CHST15: variants seen among roughly 807,000 people sequenced by gnomAD.
CHST15 encodes the protein B cell RAG associated protein (GALNAC4S-6ST).
CHST15 carries 30 observed loss-of-function variants against 53.6 expected under a neutral mutation model. That is an observed-to-expected ratio of 0.56 (90% confidence interval 0.42 to 0.76). The LOEUF (loss-of-function observed/expected upper bound fraction) is 0.76. Among genes scored for constraint, CHST15 ranks in the 30% least tolerant of loss-of-function variants. The pLI, the probability that CHST15 is intolerant of heterozygous loss-of-function variation, is 0.00. For missense variants in CHST15, 627 were observed against 740.5 expected, an observed-to-expected ratio of 0.85 and a Z score of 1.78; for synonymous variants, 296 against 289.8, an observed-to-expected ratio of 1.02 and a Z score of -0.22.
At chr10:124,080,681 A>G (rs570627911) in intron 1 of CHST15, among the ~76,000 whole-genome samples, 34 of 152,314 alleles carry the variant, frequency 2.2e-4, no homozygotes, top group East Asian at 5.8e-4. Context: ...AGGCTCCCCA[A>G]TGTTCTTCTT....
At chr10:124,086,655 TTCC>T (rs142757457) in intron 1 of CHST15, among the ~76,000 whole-genome samples, 50,963 of 149,062 alleles carry the variant, frequency 0.34, 8,935 homozygotes, top group East Asian at 0.56. Flanking sequence ...TCCACCTGCC[TTCC>T]TCCTCCTCCT....
chr10:124,037,157 G>C (rs966160495), intron 5 of CHST15, among the ~76,000 whole-genome samples: 1 of 152,180 alleles, frequency 6.6e-6, no homozygotes, highest in African/African-American at 2.4e-5. Context: ...CCCTGATCCA[G>C]TATGACCTCA....
intron 1 of CHST15, among the ~76,000 whole-genome samples, chr10:124,082,115 T>A (rs1590367716): frequency 6.6e-6 from 1 of 151,930 alleles, no homozygotes. Context: ...GACAGATGGG[T>A]GAAAGGAAAA....
At chr10:124,055,306 G>A (rs1948339173) in intron 1 of CHST15, among the ~76,000 whole-genome samples, 1 of 152,118 alleles carries the variant, frequency 6.6e-6, no homozygotes, top group South Asian at 2.1e-4. Context: ...TCTGCCTGGT[G>A]TCAAGTTGGC....
chr10:124,075,454 G>C (rs1468541483), intron 1 of CHST15, among the ~76,000 whole-genome samples: 1 of 152,158 alleles, frequency 6.6e-6, no homozygotes, highest in African/African-American at 2.4e-5. Flanking sequence ...AGAGCACAGC[G>C]TCCCGGCTCC....
chr10:124,033,057 T>C (rs1458210650), intron 5 of CHST15, among the ~76,000 whole-genome samples: 2 of 152,140 alleles, frequency 1.3e-5, no homozygotes, highest in Non-Finnish European at 2.9e-5. Flanking sequence ...CTTCCAGAAG[T>C]GCAAGGTCAC....
chr10:124,086,346 C>G (rs924292980), intron 1 of CHST15, among the ~76,000 whole-genome samples: 3 of 152,234 alleles, frequency 2.0e-5, no homozygotes, highest in Non-Finnish European at 2.9e-5. Context: ...TTCTCCGCCA[C>G]CCCAGATGTT....
chr10:124,012,409 A>G lies in CHST15; in HGVS notation c.1419T>C (p.Phe473=). 1 of 1,614,176 alleles carries G rather than the reference A, an allele frequency of 6.2e-7. No homozygotes were observed. The highest frequency in any genetic ancestry group is 8.5e-7 in the Non-Finnish European group (1 of 1,180,032). The change falls in exon 7 of 8, where the codon TTT becomes TTC. Residue 473 remains phenylalanine, a synonymous_variant. Coordinates refer to ENST00000435907, the MANE Select transcript of CHST15 (RefSeq NM_001270764.2). ...DWLSVFDKQQ[F]LILRLEDHAS... is the part of the protein sequence containing the mutation. ...CATGATCTTCCAGGCGAAGAATGAG[A>G]AACTGTTGCTTGTCAAAAACGCTGA...
At chr10:124,079,545 C>A (rs562823785) in intron 1 of CHST15, among the ~76,000 whole-genome samples, 1 of 152,254 alleles carries the variant, frequency 6.6e-6, no homozygotes, top group East Asian at 1.9e-4. Context: ...ATGGAGACCA[C>A]GGTTACCCAG....
rs908583439 is a variant in CHST15, at chr10:124,008,903, C to T, written c.*1246G>A. ...ACGACAAGATCTCTAGCCCATCCATCGGTAAACCAAGCTGCCAAGTGGCCT... is the reference window on the plus strand; with the variant it reads ...ACGACAAGATCTCTAGCCCATCCATTGGTAAACCAAGCTGCCAAGTGGCCT... On this transcript the variant is annotated 3_prime_UTR_variant, in exon 8 of 8. Transcript: ENST00000435907. The T allele has an allele frequency of 4.8e-5, 62 of 1,287,474 alleles. No individual in the cohort carries two copies. Among genetic ancestry groups the T allele is most frequent in the African/African-American group, 3.0e-5 (2 of 65,844 alleles). 79.8% of individuals were successfully genotyped at this position (1,287,474 alleles called of 1,614,324 possible). A position where few individuals can be genotyped will look rare whatever the true frequency, so the allele number is the denominator to read the frequency against.
intron 1 of CHST15, among the ~76,000 whole-genome samples, chr10:124,075,424 C>A (rs541293453): frequency 2.0e-5 from 3 of 152,168 alleles, no homozygotes; most frequent in Non-Finnish European, 2.9e-5. Context: ...TCAGGCCCAT[C>A]GACTTGTGAC....
chr10:124,008,713 C>T lies in CHST15; in HGVS notation c.*1436G>A. 8.7e-7 allele frequency: 1 copy of T among 1,149,594 alleles called. No individual in the cohort carries two copies. Among genetic ancestry groups the T allele is most frequent in the Non-Finnish European group, 1.1e-6 (1 of 916,848 alleles). The allele number at this position is 1,149,594 out of a possible 1,614,324, so 71.2% of individuals were successfully genotyped here. A position where few individuals can be genotyped will look rare whatever the true frequency, so the allele number is the denominator to read the frequency against. ...CAAGTTAGAGCTGGGTAGACGGGTG[C>T]TTGCACTTTCTGGCTTTGGTGGGCG... On this transcript the variant is annotated 3_prime_UTR_variant, in exon 8 of 8. Transcript: ENST00000435907.
In CHST15 at chr10:124,011,561, C is replaced by A. The variant is rs537641528; in HGVS notation, c.1495+772G>T. ...GCAGGAGGCGTTCTGGGAAGGAGGG[C>A]GGCTTGTTCGAGCCTGCTCAGCCTT... On this transcript the variant is annotated intron_variant, in intron 7 of 7. Transcript: ENST00000435907. The A allele has an allele frequency of 3.8e-5, 37 of 985,480 alleles. No homozygotes were observed. The African/African-American group carries it at 4.0e-4, about 11-fold the overall frequency. The allele number at this position is 985,480 out of a possible 1,614,324, so 61.0% of individuals were successfully genotyped here.
intron 1 of CHST15, among the ~76,000 whole-genome samples, chr10:124,076,971 A>C (rs1590353290): frequency 6.6e-6 from 1 of 152,054 alleles, no homozygotes; most frequent in African/African-American, 2.4e-5. Flanking sequence ...AGCCTCCCAA[A>C]GTGTTGGGAT....
intron 3 of CHST15, 47 bp downstream of exon 3, chr10:124,044,533 G>A (rs1947883621): frequency 7.8e-6 from 11 of 1,411,520 alleles, no homozygotes; most frequent in African/African-American, 2.9e-5. Context: ...AGGAATGAAC[G>A]AATGAAGGAA....
chr10:124,081,692 T>C (rs1949245950), intron 1 of CHST15, among the ~76,000 whole-genome samples: 1 of 152,138 alleles, frequency 6.6e-6, no homozygotes, highest in South Asian at 2.1e-4. Flanking sequence ...AGCTAAATGG[T>C]GCCTGGAAAC....
intron 1 of CHST15, among the ~76,000 whole-genome samples, chr10:124,090,428 T>C (rs1949569813): frequency 6.6e-6 from 1 of 152,206 alleles, no homozygotes; most frequent in African/African-American, 2.4e-5. Context: ...CGAAATGGCT[T>C]GGACTACCAC....
intron 7 of CHST15, 181 bp from the exon 8 acceptor site, chr10:124,010,520 C>T (rs1051781753): frequency 2.0e-6 from 2 of 985,364 alleles, no homozygotes; most frequent in Non-Finnish European, 2.4e-6. Context: ...AAGGTGGAAA[C>T]ACCATCAGGA....
At chr10:124,073,338 G>C (rs1262381681) in intron 1 of CHST15, among the ~76,000 whole-genome samples, 1 of 152,198 alleles carries the variant, frequency 6.6e-6, no homozygotes, top group African/African-American at 2.4e-5. Flanking sequence ...CAGGATTCCA[G>C]TTAGAGACAG....
Sources: allele counts gnomAD v4.1 joint callset (sites outside exome capture counted in the v4.1 genomes callset), GRCh38; gene constraint gnomAD v4.1.1; transcripts MANE v1.5; gene names NCBI Gene and HGNC (gene_info 2026-07-23, HGNC 2026-07-21).